Variants in FHDC1 observed in about 807,000 individuals in gnomAD.
FHDC1 encodes FH2 domain containing 1, also known as FH2 domain-containing protein 1.
In FHDC1, 25 loss-of-function variants were observed where a neutral mutation model predicts 52.6. The observed-to-expected ratio is 0.48, with a 90% CI of 0.35 to 0.66. The LOEUF is 0.66. Ranked by LOEUF, FHDC1 falls within the 30% of genes least tolerant of loss-of-function variation. FHDC1 has a pLI of 0.01. For synonymous variants in FHDC1, 616 were observed against 581.5 expected, an observed-to-expected ratio of 1.06 and a Z score of -0.85; for missense variants, 1,459 against 1,452.8, an observed-to-expected ratio of 1.00 and a Z score of -0.07.
rs910286182 is a variant in FHDC1 at position 152,976,973 on chromosome 4, A to G, written c.*250A>G. 4 of 302,958 alleles carry G rather than the reference A, an allele frequency of 1.3e-5. No homozygotes were observed. The highest frequency in any genetic ancestry group is 2.3e-5 in the Non-Finnish European group (4 of 173,970). 18.8% of individuals were successfully genotyped at this position (302,958 alleles called of 1,614,324 possible). ...TGTGACGGCCGCACCTCCCCCATGCACCCCACCCTCCCCCAAAGCCCGGAT... is the reference window on the plus strand; with the variant it reads ...TGTGACGGCCGCACCTCCCCCATGCGCCCCACCCTCCCCCAAAGCCCGGAT... On this transcript the variant is annotated 3_prime_UTR_variant, in exon 12 of 12. Coordinates refer to ENST00000511601, the MANE Select transcript of FHDC1 (RefSeq NM_001371116.1).
At position 152,964,940 on chromosome 4, in the gene FHDC1, T is replaced by C. The variant is rs1443941739; in HGVS notation, c.1065T>C (p.Phe355=). The C allele has an allele frequency of 6.2e-7, 1 of 1,612,490 alleles. No individual in the cohort carries two copies. The highest frequency in any genetic ancestry group is 1.7e-5 in the Admixed American group (1 of 59,782). The change falls in exon 9 of 12, where the codon TTT becomes TTC. Residue 355 remains phenylalanine (F), a synonymous_variant. Transcript: ENST00000511601. The stretch of plus-strand genomic sequence containing the variant: ...AGAAAGATACCATTCTTCTAAACTT[T>C]TCAGAAAAATTGCATCATGTTCAGA... The part of the protein sequence containing the change: ...AQKKDTILLN[F]SEKLHHVQKT...
rs549900842 is a variant in FHDC1, at chr4:152,942,127, C to G, written c.-130-801C>G. 6.6e-5 allele frequency among the ~76,000 whole-genome samples: 10 copies of G among 152,300 alleles called. No homozygotes were observed. The South Asian group carries it at 2.1e-3, about 32-fold the overall frequency. On this transcript the variant is annotated intron_variant, in intron 1 of 11. Coordinates refer to ENST00000511601, the MANE Select transcript of FHDC1 (RefSeq NM_001371116.1). ...GGGCAGCGTGTCCTTGGGCGTATCT[C>G]TTCTTTGCTAAAAGTGTCAGAAGCA...
chr4:152,974,693 G>A lies in FHDC1; in HGVS notation c.1402G>A (p.Ala468Thr). ...CCCTCAGGACAACCACGACCGGGAG[G>A]CGCAGGAGCTGAGGCAGCTGCAGAG... ...KAVKDNHDRE[A>T]QELRQLQRLK... The change falls in exon 12 of 12, where the codon GCG becomes ACG. Residue 468 changes from alanine (A) to threonine (T), a missense_variant. This residue lies in a region of FHDC1 where 513 missense variants were observed against 581.5 expected (regional missense o/e 0.88). Transcript: ENST00000511601. The A allele has an allele frequency of 6.6e-7, 1 of 1,510,896 alleles. No homozygotes were observed. The highest frequency in any genetic ancestry group is 8.8e-7 in the Non-Finnish European group (1 of 1,129,954). 93.6% of individuals were successfully genotyped at this position (1,510,896 alleles called of 1,614,324 possible).
the FHDC1 span, chr4:152,916,912 C>T: frequency 6.6e-6 from 1 of 152,132 alleles, no homozygotes; most frequent in Non-Finnish European, 1.5e-5. Context: ...GTTTTTTCTC[C>T]TCGGCTCATT....
At position 152,969,739 on chromosome 4, in the gene FHDC1, G is replaced by A. The variant is rs544695532; in HGVS notation, c.1218+1642G>A. Among the ~76,000 whole-genome samples the A allele has an allele frequency of 7.6e-5, 11 of 144,572 alleles. No individual in the cohort carries two copies. The East Asian group carries it at 1.3e-3, about 17-fold the overall frequency. The allele number at this position is 144,572 out of a possible 152,430, so 94.8% of individuals were successfully genotyped here. On this transcript the variant is annotated intron_variant, in intron 10 of 11. Coordinates refer to ENST00000511601, the MANE Select transcript of FHDC1 (RefSeq NM_001371116.1). ...GGCTGGAGTGCAGTGGCACGATCTC[G>A]GCTCACTGCAACCTCCACCTCCTGG... is the stretch of plus-strand genomic sequence containing the variant.
upstream of FHDC1, among the ~76,000 whole-genome samples, chr4:152,935,321 A>G (rs976317474): frequency 2.6e-5 from 4 of 152,196 alleles, no homozygotes; most frequent in Non-Finnish European, 5.9e-5. Context: ...TCTAGGATCA[A>G]AGAGTCAAAG....
chr4:152,943,062 A>G lies in FHDC1; in HGVS notation c.5A>G (p.His2Arg), dbSNP rs757252357. The change falls in exon 2 of 12, where the codon CAT becomes CGT. Residue 2 changes from histidine (H) to arginine (R), a missense_variant. Physicochemically the swap from His to Arg is conservative, Grantham distance 29. Coordinates refer to ENST00000511601, the MANE Select transcript of FHDC1 (RefSeq NM_001371116.1). M[H>R]VMNCVSLVSD... ...TCCATAGGAGGCAACAGTACTATGC[A>G]TGTTATGAATTGTGTCTCCTTGGTC... 1 of 1,611,248 alleles carries G rather than the reference A, an allele frequency of 6.2e-7. No homozygotes were observed.
At chr4:152,946,791 G>A (rs1364707045) in intron 2 of FHDC1, among the ~76,000 whole-genome samples, 2 of 152,214 alleles carry the variant, frequency 1.3e-5, no homozygotes, top group African/African-American at 4.8e-5. Context: ...CCGACATTAT[G>A]TGATTGGCTT....
intron 11 of FHDC1, 44 bp downstream of exon 11, chr4:152,972,585 AT>A: frequency 1.3e-6 from 2 of 1,562,198 alleles, no homozygotes; most frequent in South Asian, 2.4e-5. Context: ...TTGGATTTTT[AT>A]TTTCCTTCTT....
At chr4:152,946,988 G>A (rs1292304096) in intron 2 of FHDC1, among the ~76,000 whole-genome samples, 2 of 152,114 alleles carry the variant, frequency 1.3e-5, no homozygotes, top group Non-Finnish European at 1.5e-5. Flanking sequence ...GGAGGTCGAG[G>A]CAGGCAGATC....
intron 9 of FHDC1, among the ~76,000 whole-genome samples, chr4:152,966,626 A>AT (rs1391842508): frequency 2.0e-5 from 3 of 151,908 alleles, no homozygotes; most frequent in African/African-American, 7.3e-5. Flanking sequence ...TGCCCAGTTA[A>AT]TTTTTTTGTA....
At chr4:152,926,267 GACACACACACACACACACAC>G in the FHDC1 span, among the ~76,000 whole-genome samples, 1 of 144,440 alleles carries the variant, frequency 6.9e-6, no homozygotes, top group Non-Finnish European at 1.5e-5. Context: ...TTAAAATACA[GACACACACACACACACACAC>G]ACACACACAC....
At chr4:152,923,842 A>T in the FHDC1 span, among the ~76,000 whole-genome samples, 3 of 152,164 alleles carry the variant, frequency 2.0e-5, no homozygotes, top group South Asian at 6.2e-4. Context: ...CTTACACCTT[A>T]TACAAAAATT....
Position 152,954,336 on chromosome 4 carries a change from A to C in FHDC1, c.663+17A>C. 1 of 1,595,380 alleles carries C rather than the reference A, an allele frequency of 6.3e-7. No homozygotes were observed. The highest frequency in any genetic ancestry group is 8.6e-7 in the Non-Finnish European group (1 of 1,162,944). On this transcript the variant is annotated intron_variant, in intron 4 of 11. Coordinates refer to ENST00000511601, the MANE Select transcript of FHDC1 (RefSeq NM_001371116.1). Reference sequence around the variant, plus strand: ...TCAGAAGAGGTAAGAAATTCAGCGCATGAGTTGTAGATGTTAGGAGTGATC... The same window carrying C: ...TCAGAAGAGGTAAGAAATTCAGCGCCTGAGTTGTAGATGTTAGGAGTGATC...
intron 11 of FHDC1, 108 bp downstream of exon 11, chr4:152,972,649 T>C (rs1740674412): frequency 1.5e-6 from 2 of 1,292,556 alleles, no homozygotes; most frequent in African/African-American, 1.5e-5. Context: ...CTCCACGGTT[T>C]CGGGGACATC....
chr4:152,963,214 TC>T, intron 8 of FHDC1, 84 bp downstream of exon 8: 1 of 1,208,764 alleles, frequency 8.3e-7, no homozygotes, highest in Non-Finnish European at 1.2e-6. Context: ...TAAGATGGTG[TC>T]CAGCAGGGTT....
intron 4 of FHDC1, among the ~76,000 whole-genome samples, chr4:152,959,232 T>A (rs967475994): frequency 2.0e-5 from 3 of 152,236 alleles, no homozygotes; most frequent in Admixed American, 6.5e-5. Context: ...TAAAGAATTT[T>A]GTTGGATGAC....
intron 9 of FHDC1, 100 bp from the exon 10 acceptor site, chr4:152,967,880 T>C: frequency 1.2e-6 from 1 of 805,136 alleles, no homozygotes; most frequent in Non-Finnish European, 2.0e-6. Flanking sequence ...GCTCTCCCCT[T>C]CTGTTTCCAA....
At position 152,975,631 on chromosome 4, in the gene FHDC1, A is replaced by T; in HGVS notation, c.2340A>T (p.Ser780=). ...LFCISDTTDC[S]LTLDCSEGTD... ...GCATCTCGGACACCACCGACTGCTC[A>T]CTGACCCTGGACTGCTCAGAGGGAA... Residue 780 remains serine, a synonymous_variant, in exon 12 of 12, where the codon TCA becomes TCT. Coordinates refer to ENST00000511601, the MANE Select transcript of FHDC1 (RefSeq NM_001371116.1). 1 of 1,613,628 alleles carries T rather than the reference A, an allele frequency of 6.2e-7. No individual in the cohort carries two copies. Among genetic ancestry groups the T allele is most frequent in the Non-Finnish European group, 8.5e-7 (1 of 1,180,016 alleles).
Sources: allele counts gnomAD v4.1 joint callset (sites outside exome capture counted in the v4.1 genomes callset), GRCh38; gene constraint gnomAD v4.1.1; regional missense constraint gnomAD v4.1.1; transcripts MANE v1.5; gene names NCBI Gene and HGNC (gene_info 2026-07-23, HGNC 2026-07-21).